EXOC6B: variants seen among roughly 807,000 people sequenced by gnomAD.
EXOC6B encodes SEC15 homolog B.
EXOC6B carries 54 observed loss-of-function variants against 113.5 expected under a neutral mutation model. The observed-to-expected ratio is 0.48, with a 90% CI of 0.38 to 0.60. EXOC6B has a LOEUF of 0.60. Among genes scored for constraint, EXOC6B ranks in the 20% least tolerant of loss-of-function variants. EXOC6B has a pLI of 0.00. For synonymous variants in EXOC6B, 357 were observed against 339.0 expected (o/e 1.05, Z -0.58); for missense variants, 797 against 977.5 (o/e 0.82, Z 2.46).
At chr2:72,759,380 T>C (rs995337872) in intron 1 of EXOC6B, among the ~76,000 whole-genome samples, 1 of 152,216 alleles carries the variant, frequency 6.6e-6, no homozygotes, top group Admixed American at 6.5e-5. Context: ...TTATGCAGTT[T>C]TGACAGTCAT....
At chr2:72,218,435 T>C (rs976147125) in intron 20 of EXOC6B, among the ~76,000 whole-genome samples, 1 of 152,210 alleles carries the variant, frequency 6.6e-6, no homozygotes, top group African/African-American at 2.4e-5. Flanking sequence ...TGTGTGTGTG[T>C]GCATGTGTGC....
At chr2:72,678,477 T>A (rs1215580096) in intron 6 of EXOC6B, among the ~76,000 whole-genome samples, 1 of 152,164 alleles carries the variant, frequency 6.6e-6, no homozygotes, top group Non-Finnish European at 1.5e-5. Context: ...GAAGCCAAGG[T>A]GAGCGGATCA....
At chr2:72,600,166 C>G (rs1266200445) in intron 6 of EXOC6B, among the ~76,000 whole-genome samples, 1 of 152,110 alleles carries the variant, frequency 6.6e-6, no homozygotes, top group Admixed American at 6.5e-5. Context: ...ACTGGCCAGG[C>G]ACAGTGGCTC....
chr2:72,236,541 T>C (rs995883030), intron 20 of EXOC6B, among the ~76,000 whole-genome samples: 1 of 152,132 alleles, frequency 6.6e-6, no homozygotes, highest in Non-Finnish European at 1.5e-5. Flanking sequence ...GTAATTTTAG[T>C]TTCTGCAGCA....
chr2:72,420,035 C>A (rs1694777821), intron 18 of EXOC6B, among the ~76,000 whole-genome samples: 1 of 152,094 alleles, frequency 6.6e-6, no homozygotes, highest in Non-Finnish European at 1.5e-5. Context: ...ATTATCTTCC[C>A]TTCTAGTGTG....
At chr2:72,465,125 A>T in intron 18 of EXOC6B, 35 bp downstream of exon 18, 1 of 1,418,180 alleles carries the variant, frequency 7.1e-7, no homozygotes, top group Non-Finnish European at 9.3e-7. Flanking sequence ...AAATCTTTTT[A>T]TATATAAAGG....
intron 1 of EXOC6B, among the ~76,000 whole-genome samples, chr2:72,779,096 C>A (rs1358467917): frequency 6.6e-6 from 1 of 151,934 alleles, no homozygotes; most frequent in African/African-American, 2.4e-5. Context: ...TTTCACTTAT[C>A]ATCTTGCTAA....
intron 11 of EXOC6B, 126 bp downstream of exon 11, chr2:72,513,006 G>A: frequency 8.9e-7 from 1 of 1,120,058 alleles, no homozygotes. Flanking sequence ...CTATGTCTTT[G>A]AAGGACATCT....
chr2:72,282,384 A>T lies in EXOC6B; in HGVS notation c.2196+52563T>A, dbSNP rs1685175567. Among the ~76,000 whole-genome samples, 3 of 152,104 alleles carry T rather than the reference A, an allele frequency of 2.0e-5. No homozygotes were observed. The South Asian group carries it at 6.2e-4, about 31-fold the overall frequency. On this transcript the variant is annotated intron_variant, in intron 20 of 21. Coordinates refer to ENST00000272427, the MANE Select transcript of EXOC6B (RefSeq NM_015189.3). ...TTAGACTAATAAGAATGATTGTTGT[A>T]GAGTTTAGGATAACCAGTAAAAGGA...
intron 1 of EXOC6B, among the ~76,000 whole-genome samples, chr2:72,808,769 G>A (rs377190153): frequency 1.1e-4 from 17 of 152,172 alleles, no homozygotes; most frequent in African/African-American, 3.4e-4. Flanking sequence ...GCAACAGAGC[G>A]AGATCCTATC....
In EXOC6B at chr2:72,279,443, T is replaced by C. The variant is rs560801676; in HGVS notation, c.2196+55504A>G. On this transcript the variant is annotated intron_variant, in intron 20 of 21. Coordinates refer to ENST00000272427, the MANE Select transcript of EXOC6B (RefSeq NM_015189.3). ...GACCTTGATGCACACAAAAATTGTA[T>C]AAGGGCCCAAATATTAAAGAGTAGC... 5.3e-5 allele frequency among the ~76,000 whole-genome samples: 8 copies of C among 152,326 alleles called. No individual in the cohort carries two copies. The East Asian group carries it at 7.7e-4, about 15-fold the overall frequency.
intron 20 of EXOC6B, among the ~76,000 whole-genome samples, chr2:72,302,279 AT>A (rs1452938413): frequency 6.6e-6 from 1 of 152,100 alleles, no homozygotes; most frequent in African/African-American, 2.4e-5. Flanking sequence ...ATTTTAGAGC[AT>A]GTGCCATGTG....
At chr2:72,409,123 T>C (rs374949764) in intron 18 of EXOC6B, among the ~76,000 whole-genome samples, 11,344 of 152,112 alleles carry the variant, frequency 0.075, 492 homozygotes, top group Non-Finnish European at 0.11. Flanking sequence ...AAAATGCTTA[T>C]CATCACTGGC....
At chr2:72,544,995 T>C (rs1702814485) in intron 8 of EXOC6B, among the ~76,000 whole-genome samples, 1 of 152,106 alleles carries the variant, frequency 6.6e-6, no homozygotes, top group African/African-American at 2.4e-5. Flanking sequence ...CTTGTGTTTA[T>C]ATAAAAACCA....
rs527597557 is a variant in EXOC6B at position 72,219,019 on chromosome 2, T to A, written c.2197-34832A>T. 2.2e-4 allele frequency among the ~76,000 whole-genome samples: 33 copies of A among 151,530 alleles called. No individual in the cohort carries two copies. The South Asian group carries it at 6.9e-3, about 32-fold the overall frequency. ...TGGAGAGAATGAAAATAACAACCAA[T>A]GTCTTAGTAACTTAATTGTACCTGT... On this transcript the variant is annotated intron_variant, in intron 20 of 21. Transcript: ENST00000272427.
chr2:72,301,105 T>A (rs1686495579), intron 20 of EXOC6B, among the ~76,000 whole-genome samples: 1 of 134,962 alleles, frequency 7.4e-6, no homozygotes, highest in Non-Finnish European at 1.5e-5. Flanking sequence ...TATAATCATG[T>A]GATTTTTTGC....
At chr2:72,404,006 C>T (rs1573043002) in intron 18 of EXOC6B, among the ~76,000 whole-genome samples, 1 of 152,196 alleles carries the variant, frequency 6.6e-6, no homozygotes, top group Non-Finnish European at 1.5e-5. Context: ...AGGTCACTCC[C>T]ACCCTAATAC....
intron 20 of EXOC6B, among the ~76,000 whole-genome samples, chr2:72,291,001 A>G (rs1225342868): frequency 6.6e-6 from 1 of 152,206 alleles, no homozygotes; most frequent in Non-Finnish European, 1.5e-5. Context: ...ATATCATTAA[A>G]GAATGACATT....
intron 6 of EXOC6B, among the ~76,000 whole-genome samples, chr2:72,696,800 G>A (rs531211087): frequency 3.4e-4 from 51 of 152,180 alleles, no homozygotes; most frequent in Non-Finnish European, 6.3e-4. Flanking sequence ...AGACTGAAGC[G>A]CTATCTATGG....
Sources: gnomAD v4.1 joint callset for allele counts (sites outside exome capture counted in the v4.1 genomes callset) on GRCh38, gnomAD v4.1.1 for gene constraint, MANE v1.5 for transcripts, NCBI Gene and HGNC (gene_info 2026-07-23, HGNC 2026-07-21) for gene names.